The following CORO2B variants were observed in gnomAD, a reference collection of about 807,000 sequenced individuals.
The protein encoded by CORO2B is coronin-2B.
In CORO2B, 26 loss-of-function variants were observed where a neutral mutation model predicts 58.8. The ratio of observed to expected loss-of-function variants is 0.44; its 90% CI spans 0.32 to 0.61. The LOEUF (loss-of-function observed/expected upper bound fraction) is 0.61. Among genes scored for constraint, CORO2B ranks in the 20% least tolerant of loss-of-function variants. CORO2B has a pLI of 0.04. For synonymous variants in CORO2B, 242 were observed against 253.8 expected (o/e 0.95, Z 0.44); for missense variants, 460 against 645.1 (o/e 0.71, Z 3.11).
At chr15:68,647,699 A>AAAAAG (rs1555413714) in intron 2 of CORO2B, among the ~76,000 whole-genome samples, 30 of 148,686 alleles carry the variant, frequency 2.0e-4, no homozygotes, top group African/African-American at 7.5e-4. Context: ...CAAAAAAAAA[A>AAAAAG]AAAGAAAGAA....
intron 1 of CORO2B, among the ~76,000 whole-genome samples, chr15:68,628,089 T>C (rs1376347469): frequency 6.6e-6 from 1 of 152,162 alleles, no homozygotes; most frequent in Non-Finnish European, 1.5e-5. Context: ...GCCAGCATAA[T>C]TTGGGTGGGG....
intron 2 of CORO2B, among the ~76,000 whole-genome samples, chr15:68,667,191 C>T (rs1172254917): frequency 3.9e-5 from 6 of 152,198 alleles, no homozygotes; most frequent in Non-Finnish European, 7.3e-5. Context: ...CTGCCCCTTC[C>T]TGACTCACCT....
At chr15:68,669,407 C>G (rs1328862751) in intron 2 of CORO2B, among the ~76,000 whole-genome samples, 1 of 152,176 alleles carries the variant, frequency 6.6e-6, no homozygotes, top group Admixed American at 6.5e-5. Context: ...TCTTGCTGGC[C>G]AGGGCCAAGG....
At chr15:68,644,889 G>T (rs1901371237) in intron 1 of CORO2B, among the ~76,000 whole-genome samples, 1 of 152,212 alleles carries the variant, frequency 6.6e-6, no homozygotes, top group African/African-American at 2.4e-5. Context: ...TTTCTAGAAA[G>T]TGGGGTGGGC....
intron 4 of CORO2B, among the ~76,000 whole-genome samples, chr15:68,711,082 C>T (rs545080307): frequency 1.3e-5 from 2 of 152,278 alleles, no homozygotes; most frequent in South Asian, 2.1e-4. Flanking sequence ...CCACAGAGGC[C>T]GGAGGCATCT....
intron 3 of CORO2B, among the ~76,000 whole-genome samples, chr15:68,695,736 T>C (rs111682021): frequency 3.3e-5 from 5 of 152,268 alleles, no homozygotes; most frequent in African/African-American, 1.2e-4. Context: ...AGAAGTGTCC[T>C]GATTTTTCCA....
At chr15:68,673,239 GAGAA>G (rs1455739184) in intron 2 of CORO2B, among the ~76,000 whole-genome samples, 2 of 152,100 alleles carry the variant, frequency 1.3e-5, no homozygotes, top group Admixed American at 6.6e-5. Context: ...TCTTAAAGAT[GAGAA>G]AGAAAGAGGA....
At chr15:68,724,536 A>G (rs1161148326) in intron 11 of CORO2B, among the ~76,000 whole-genome samples, 1 of 152,166 alleles carries the variant, frequency 6.6e-6, no homozygotes, top group Non-Finnish European at 1.5e-5. Flanking sequence ...TCATGCAGCC[A>G]CCATCAGCCA....
chr15:68,536,985 T>C, the CORO2B span, among the ~76,000 whole-genome samples: 2 of 152,200 alleles, frequency 1.3e-5, no homozygotes, highest in Non-Finnish European at 2.9e-5. Flanking sequence ...CTCCTGCCAC[T>C]GTGGAGCACC....
At chr15:68,576,152 C>CAAAAAAAA (rs3985627), upstream of CORO2B, among the ~76,000 whole-genome samples, 145 of 62,170 alleles carry the variant, frequency 2.3e-3, no homozygotes, top group South Asian at 3.4e-3. Context: ...GACTACGTCG[C>CAAAAAAAA]AAAAAAAAAA....
chr15:68,564,825 G>A, the CORO2B span, among the ~76,000 whole-genome samples: 1 of 152,330 alleles, frequency 6.6e-6, no homozygotes. Context: ...TTCAGAAGGT[G>A]CTTCCCAAAT....
chr15:68,714,543 A>C lies in CORO2B; in HGVS notation c.766-16A>C. ...TCCTGCCTGCAGAGAGGCTGAGACCAGCTCTTCTCCCTCAGGAGGACCTCT... is the reference window on the plus strand; with the variant it reads ...TCCTGCCTGCAGAGAGGCTGAGACCCGCTCTTCTCCCTCAGGAGGACCTCT... On this transcript the variant is annotated splice_polypyrimidine_tract_variant and intron_variant, in intron 6 of 11. Coordinates refer to ENST00000261861, the MANE Select transcript of CORO2B (RefSeq NM_006091.5). 4.4e-6 allele frequency: 7 copies of C among 1,603,708 alleles called. No homozygotes were observed. Among genetic ancestry groups the C allele is most frequent in the Non-Finnish European group, 6.0e-6 (7 of 1,170,736 alleles).
At chr15:68,636,619 TAGG>T (rs952669948) in intron 1 of CORO2B, among the ~76,000 whole-genome samples, 6 of 152,248 alleles carry the variant, frequency 3.9e-5, no homozygotes, top group African/African-American at 1.2e-4. Context: ...TGTGAGTTGG[TAGG>T]AGAACTGTCC....
intron 3 of CORO2B, among the ~76,000 whole-genome samples, chr15:68,708,362 T>C (rs1450862989): frequency 2.1e-5 from 3 of 142,076 alleles, no homozygotes; most frequent in Admixed American, 7.0e-5. Flanking sequence ...TTCTTCTTTT[T>C]TTTTTTTTTT....
intron 1 of CORO2B, among the ~76,000 whole-genome samples, chr15:68,614,896 T>A (rs1900318228): frequency 6.6e-6 from 1 of 152,208 alleles, no homozygotes; most frequent in South Asian, 2.1e-4. Context: ...GCCCATGTAT[T>A]ATGCAGCAGC....
chr15:68,558,063 C>G, the CORO2B span, among the ~76,000 whole-genome samples: 1 of 151,072 alleles, frequency 6.6e-6, no homozygotes, highest in East Asian at 2.0e-4. Flanking sequence ...GCAGGGCAGC[C>G]TGGCAGTGGA....
intron 8 of CORO2B, among the ~76,000 whole-genome samples, chr15:68,716,420 A>G (rs1478875307): frequency 2.0e-5 from 3 of 152,250 alleles, no homozygotes; most frequent in African/African-American, 7.2e-5. Context: ...GCTCCTTCAC[A>G]TAGTTGTTCA....
At chr15:68,556,175 C>T in the CORO2B span, among the ~76,000 whole-genome samples, 1 of 152,204 alleles carries the variant, frequency 6.6e-6, no homozygotes, top group Admixed American at 6.5e-5. Context: ...CACCTTCCCA[C>T]AATGCCTCGT....
chr15:68,572,134 C>T, the CORO2B span, among the ~76,000 whole-genome samples: 1 of 152,184 alleles, frequency 6.6e-6, no homozygotes. Context: ...AGAGGCCCCA[C>T]TCTTGCTCTC....
Sources: allele counts gnomAD v4.1 joint callset (sites outside exome capture counted in the v4.1 genomes callset), GRCh38; gene constraint gnomAD v4.1.1; transcripts MANE v1.5; gene names NCBI Gene and HGNC (gene_info 2026-07-23, HGNC 2026-07-21).